The following NXF1 variants were observed in gnomAD, a reference collection of about 807,000 sequenced individuals.
NXF1 encodes the protein mRNA export factor TAP.
A neutral mutation model predicts 92.4 loss-of-function variants in NXF1; 43 were observed. The observed-to-expected ratio is 0.47, with a 90% CI of 0.36 to 0.60. NXF1 has a LOEUF of 0.60. Among genes scored for constraint, NXF1 ranks in the 20% least tolerant of loss-of-function variants. NXF1 has a pLI of 0.00. For synonymous variants in NXF1, 288 were observed against 292.2 expected, an observed-to-expected ratio of 0.99 and a Z score of 0.15; for missense variants, 576 against 793.0, an observed-to-expected ratio of 0.73 and a Z score of 3.29.
chr11:62,801,292 T>TGC, intron 8 of NXF1, 37 bp downstream of exon 8: 1 of 1,610,362 alleles, frequency 6.2e-7, no homozygotes, highest in African/African-American at 1.3e-5. Flanking sequence ...TAACACACCC[T>TGC]GCTTCCTCAT....
At chr11:62,798,327 A>C (rs541310583) in intron 11 of NXF1, among the ~76,000 whole-genome samples, 1 of 152,014 alleles carries the variant, frequency 6.6e-6, no homozygotes, top group Admixed American at 6.6e-5. Context: ...ACTTGGGCTC[A>C]GGAGGCTGAG....
chr11:62,794,492 C>T (rs749717363), intron 18 of NXF1, 52 bp from the exon 19 acceptor site: 4 of 1,475,452 alleles, frequency 2.7e-6, no homozygotes. Context: ...ATCATCCTCC[C>T]AACATCATTC....
At chr11:62,800,650 T>C (rs1246063193) in intron 9 of NXF1, among the ~76,000 whole-genome samples, 164 bp from the exon 10 acceptor site, 1 of 151,284 alleles carries the variant, frequency 6.6e-6, no homozygotes, top group African/African-American at 2.4e-5. Flanking sequence ...GTCACCCAAG[T>C]TCAGTGCCGT....
At chr11:62,801,468 G>A in intron 7 of NXF1, 51 bp from the exon 8 acceptor site, 1 of 1,606,848 alleles carries the variant, frequency 6.2e-7, no homozygotes, top group Non-Finnish European at 8.5e-7. Context: ...GTTTGCCCAT[G>A]CCAGCATTAG....
At chr11:62,794,846 T>C (rs964874499) in intron 18 of NXF1, 89 bp downstream of exon 18, 39 of 1,229,510 alleles carry the variant, frequency 3.2e-5, no homozygotes, top group Non-Finnish European at 4.5e-5. Context: ...CTTTCTGAAA[T>C]CACCCCAAAG....
intron 11 of NXF1, 88 bp downstream of exon 11, chr11:62,798,451 G>C: frequency 7.0e-7 from 1 of 1,418,680 alleles, no homozygotes. Context: ...AAAAAAAAAA[G>C]AAAAAGAAAA....
rs370003937 is a variant in NXF1 at position 62,801,731 on chromosome 11, T to C, written c.639+8A>G. ...GGGTTGGAAACATCTAATTTGAGCC[T>C]GCCTCACCTTTAGCTGTTCTACTTG... is the stretch of plus-strand genomic sequence containing the variant. On this transcript the variant is annotated splice_region_variant and intron_variant, in intron 6 of 20. Transcript: ENST00000294172. 35 of 1,612,810 alleles carry C rather than the reference T, an allele frequency of 2.2e-5. No individual in the cohort carries two copies. In the African/African-American group the frequency reaches 4.3e-4, roughly 20 times the overall value.
chr11:62,798,010 G>C (rs1456498502), intron 11 of NXF1, among the ~76,000 whole-genome samples: 1 of 151,702 alleles, frequency 6.6e-6, no homozygotes, highest in Non-Finnish European at 1.5e-5. Context: ...GCACATGCCT[G>C]TAATCCCAGC....
At chr11:62,805,104 C>T (rs1301737344) in intron 1 of NXF1, 1 of 392,110 alleles carries the variant, frequency 2.6e-6, no homozygotes, top group Non-Finnish European at 4.5e-6. Flanking sequence ...TCACCCTACC[C>T]CCGAGCCATC....
intron 10 of NXF1, chr11:62,799,244 C>T (rs2084453504): frequency 4.1e-6 from 4 of 985,464 alleles, no homozygotes; most frequent in Non-Finnish European, 4.8e-6. Flanking sequence ...GAGAAAGACA[C>T]CCTGACACAG....
rs1291881319 is a variant in NXF1 at position 62,805,391 on chromosome 11, G to A, written c.-35C>T. The A allele has an allele frequency of 6.2e-7, 1 of 1,609,924 alleles. No individual in the cohort carries two copies. Among genetic ancestry groups the A allele is most frequent in the East Asian group, 2.2e-5 (1 of 44,654 alleles). On this transcript the variant is annotated 5_prime_UTR_variant, in exon 1 of 21. Transcript: ENST00000294172. ...AAGATCAAGGGCGGGCTCAGGCGCT[G>A]GCCGCTACGCCGGCAAACAACCTAA...
Position 62,800,462 on chromosome 11 carries a change from T to G in NXF1, c.931A>C (p.Lys311Gln). 6.2e-7 allele frequency: 1 copy of G among 1,613,924 alleles called. No individual in the cohort carries two copies. Among genetic ancestry groups the G allele is most frequent in the Non-Finnish European group, 8.5e-7 (1 of 1,179,882 alleles). ...TCTTCTAGCTTCAGCCCCTTTATCT[T>G]GTCCAATTCCCGCTCAGACTTCAAC... is the stretch of plus-strand genomic sequence containing the variant. ...NELKSERELD[K>Q]IKGLKLEELW... The change falls in exon 10 of 21, where the codon AAG becomes CAG. Residue 311 changes from lysine (K) to glutamine (Q), a missense_variant. Physicochemically the swap from Lys to Gln is moderately conservative, Grantham distance 53. Around this residue, in one of 2 missense-constraint regions of NXF1, gnomAD observed 425 missense variants for 635.2 expected, o/e 0.67. Coordinates refer to ENST00000294172, the MANE Select transcript of NXF1 (RefSeq NM_006362.5).
In NXF1 at chr11:62,801,608, A is replaced by C. The variant is rs1300710679; in HGVS notation, c.663T>G (p.Asp221Glu). Residue 221 changes from aspartate to glutamate, a missense_variant, in exon 7 of 21, where the codon GAT becomes GAG. This residue lies in a region of NXF1 where 425 missense variants were observed against 635.2 expected (regional missense o/e 0.67). Coordinates refer to ENST00000294172, the MANE Select transcript of NXF1 (RefSeq NM_006362.5). The stretch of plus-strand genomic sequence containing the variant: ...TGAGGTCAAGGGCTTGTTGGGAGCC[A>C]TCGTATCGTTTGCTCATGATCAGCT... ...QLKLIMSKRY[D>E]GSQQALDLKG... is the part of the protein sequence containing the mutation. The C allele has an allele frequency of 9.9e-6, 16 of 1,613,852 alleles. No individual in the cohort carries two copies. Among genetic ancestry groups the C allele is most frequent in the Non-Finnish European group, 5.1e-6 (6 of 1,180,024 alleles).
chr11:62,794,050 C>T (rs1295951187), intron 19 of NXF1, among the ~76,000 whole-genome samples: 1 of 151,646 alleles, frequency 6.6e-6, no homozygotes, highest in African/African-American at 2.4e-5. Context: ...GCCTATAGGC[C>T]CAGCTACTCT....
intron 19 of NXF1, 93 bp downstream of exon 19, chr11:62,794,165 C>CAA: frequency 3.4e-4 from 356 of 1,034,342 alleles, no homozygotes; most frequent in Non-Finnish European, 3.9e-4. Flanking sequence ...AACTTGTCTC[C>CAA]AAAAAAAAAA....
At chr11:62,792,723 C>T in intron 19 of NXF1, 22 bp from the exon 20 acceptor site, 2 of 1,613,680 alleles carry the variant, frequency 1.2e-6, no homozygotes, top group African/African-American at 1.3e-5. Context: ...GAACAGGCAG[C>T]TCTGTAAGAA....
intron 11 of NXF1, 91 bp downstream of exon 11, chr11:62,798,448 A>AAG: frequency 6.5e-7 from 1 of 1,531,074 alleles, no homozygotes; most frequent in Non-Finnish European, 8.8e-7. Context: ...AAAAAAAAAA[A>AAG]AAGAAAAAGA....
chr11:62,800,353 G>C lies in NXF1; in HGVS notation c.1016+24C>G, dbSNP rs767109813. ...TCCCAGGGGGTGAAGGTCCCCAGGA[G>C]GGGAGACACAGGCTACAACTGACCT... On this transcript the variant is annotated intron_variant, in intron 10 of 20. Coordinates refer to ENST00000294172, the MANE Select transcript of NXF1 (RefSeq NM_006362.5). 5 of 1,613,826 alleles carry C rather than the reference G, an allele frequency of 3.1e-6. No individual in the cohort carries two copies. In the African/African-American group the frequency reaches 6.7e-5, roughly 22 times the overall value.
In NXF1 at chr11:62,792,673, T is replaced by G. The variant is rs2084377325; in HGVS notation, c.1789A>C (p.Thr597Pro). ...KCLQDNNWDY[T>P]RSAQAFTHLK... ...TGAGTGAAGGCCTGGGCAGATCTGG[T>G]GTAGTCCCAGTTGTTGTCCTGAAGG... Residue 597 changes from threonine to proline, a missense_variant, in exon 20 of 21, where the codon ACC (threonine) becomes CCC (proline). Coordinates refer to ENST00000294172, the MANE Select transcript of NXF1 (RefSeq NM_006362.5). 1.2e-6 allele frequency: 2 copies of G among 1,614,146 alleles called. No homozygotes were observed. Among genetic ancestry groups the G allele is most frequent in the Middle Eastern group, 3.3e-4 (2 of 6,058 alleles).
Sources: allele counts gnomAD v4.1 joint callset (sites outside exome capture counted in the v4.1 genomes callset), GRCh38; gene constraint gnomAD v4.1.1; regional missense constraint gnomAD v4.1.1; transcripts MANE v1.5; gene names NCBI Gene and HGNC (gene_info 2026-07-23, HGNC 2026-07-21).